The following NEK5 variants were observed in gnomAD, a reference collection of about 807,000 sequenced individuals.
NEK5 encodes NIMA related kinase 5, also known as serine/threonine-protein kinase Nek5.
A neutral mutation model predicts 109.2 loss-of-function variants in NEK5; 88 were observed. The ratio of observed to expected loss-of-function variants is 0.81; its 90% CI spans 0.68 to 0.96. The LOEUF (loss-of-function observed/expected upper bound fraction) is 0.96, where lower values mean the gene tolerates loss of function less well. Among genes scored for constraint, NEK5 ranks in the 40% least tolerant of loss-of-function variants. NEK5 has a pLI of 0.00. For missense variants in NEK5, 834 were observed against 920.7 expected (o/e 0.91, Z 1.22); for synonymous variants, 283 against 299.9 (o/e 0.94, Z 0.58).
Position 52,080,882 on chromosome 13 carries a change from G to T in NEK5, c.1572+2378C>A, listed in dbSNP as rs528448957. ...CCCTCTGCGAGAAACACCCAAGAAT[G>T]ATCAATTAAAAAAAAAAAAAAAAAT... On this transcript the variant is annotated intron_variant, in intron 17 of 23. Transcript: ENST00000684899. Among the ~76,000 whole-genome samples, 86 of 105,754 alleles carry T rather than the reference G, an allele frequency of 8.1e-4. No homozygotes were observed. In the East Asian group the frequency reaches 0.021, roughly 26 times the overall value. 69.4% of individuals were successfully genotyped at this position (105,754 alleles called of 152,430 possible). A position where few individuals can be genotyped will look rare whatever the true frequency, so the allele number is the denominator to read the frequency against.
chr13:52,046,166 AATAAAT>A (rs1207057820), intron 23 of NEK5, among the ~76,000 whole-genome samples: 1 of 151,776 alleles, frequency 6.6e-6, no homozygotes, highest in African/African-American at 2.4e-5. Context: ...AAAATTAAAT[AATAAAT>A]ATATTTTTAA....
At chr13:52,102,427 C>T (rs1323903976) in intron 9 of NEK5, 135 bp from the exon 10 acceptor site, 2 of 711,074 alleles carry the variant, frequency 2.8e-6, no homozygotes, top group Non-Finnish European at 4.7e-6. Flanking sequence ...ACTAGGGTCA[C>T]CTGTAATCCC....
At position 52,118,640 on chromosome 13, in the gene NEK5, G is replaced by A. The variant is rs1955906589; in HGVS notation, c.214+679C>T. On this transcript the variant is annotated intron_variant, in intron 4 of 23. Coordinates refer to ENST00000684899, the MANE Select transcript of NEK5 (RefSeq NM_001365552.1). Reference sequence around the variant, plus strand: ...GGGACTTCCTTCCCTAAAGTTGTCAGCAGAATTGTATTCAGGTGTACAGAG... The same window carrying A: ...GGGACTTCCTTCCCTAAAGTTGTCAACAGAATTGTATTCAGGTGTACAGAG... Among the ~76,000 whole-genome samples the A allele has an allele frequency of 2.6e-5, 4 of 152,122 alleles. No individual in the cohort carries two copies. In the South Asian group the frequency reaches 8.3e-4, roughly 32 times the overall value.
intron 1 of NEK5, 93 bp from the exon 2 acceptor site, chr13:52,127,755 G>A: frequency 3.0e-6 from 1 of 331,658 alleles, no homozygotes; most frequent in South Asian, 7.6e-5. Flanking sequence ...CACTTAACCT[G>A]GCAAAACCTC....
rs568054943 is a variant in NEK5, at chr13:52,088,975, C to T, written c.1275+272G>A. On this transcript the variant is annotated intron_variant, in intron 14 of 23. Coordinates refer to ENST00000684899, the MANE Select transcript of NEK5 (RefSeq NM_001365552.1). Reference sequence around the variant, plus strand: ...GCGTGGTGGTGGGCGCCTGTAATCCCAGCTACTCAGGAGGCTGGGGAAGGA... The same window carrying T: ...GCGTGGTGGTGGGCGCCTGTAATCCTAGCTACTCAGGAGGCTGGGGAAGGA... 3.3e-5 allele frequency among the ~76,000 whole-genome samples: 5 copies of T among 152,034 alleles called. No homozygotes were observed. The South Asian group carries it at 8.3e-4, about 25-fold the overall frequency.
At chr13:52,041,848 A>C (rs1954417753) in intron 23 of NEK5, among the ~76,000 whole-genome samples, 1 of 151,972 alleles carries the variant, frequency 6.6e-6, no homozygotes, top group South Asian at 2.1e-4. Context: ...TATATCTAAT[A>C]TCTAATTGGA....
chr13:52,050,094 A>G lies in NEK5; in HGVS notation c.2228+10T>C, dbSNP rs552215552. 1 of 954,532 alleles carries G rather than the reference A, an allele frequency of 1.0e-6. No homozygotes were observed. The highest frequency in any genetic ancestry group is 4.8e-5 in the South Asian group (1 of 20,650). 59.1% of individuals were successfully genotyped at this position (954,532 alleles called of 1,614,324 possible). ...TGCTCGACTTAGGTATCGGCAAATG[A>G]TCTACTTACGTATCATCATCATCAG... On this transcript the variant is annotated intron_variant, in intron 23 of 23. Transcript: ENST00000684899.
chr13:52,119,347 G>T lies in NEK5; in HGVS notation c.186C>A (p.Asn62Lys). ...VILLEKMKHP[N>K]IVAFFNSFQE... ...GAAATGAATTGAAGAAGGCTACAAT[G>T]TTGGGATGTTTCATCTTTTCCAGAA... Residue 62 changes from asparagine (N) to lysine (K), a missense_variant, in exon 4 of 24, where the codon AAC becomes AAA. By Grantham distance (94) the Asn-to-Lys change is moderately conservative. This residue lies in a region of NEK5 where 777 missense variants were observed against 824.7 expected (regional missense o/e 0.94). Transcript: ENST00000684899. The T allele has an allele frequency of 6.2e-7, 1 of 1,600,446 alleles. No individual in the cohort carries two copies. The highest frequency in any genetic ancestry group is 8.5e-7 in the Non-Finnish European group (1 of 1,169,954).
chr13:52,071,533 C>T (rs1256116140), intron 20 of NEK5, among the ~76,000 whole-genome samples: 2 of 152,190 alleles, frequency 1.3e-5, no homozygotes, highest in Non-Finnish European at 2.9e-5. Context: ...TCTTTTACTG[C>T]CCACAACACT....
At chr13:52,050,720 C>CT (rs772811272) in intron 22 of NEK5, among the ~76,000 whole-genome samples, 4,971 of 99,870 alleles carry the variant, frequency 0.05, 126 homozygotes, top group South Asian at 0.11. Context: ...TTGTTTTTTT[C>CT]TTTTTTTTTT....
intron 17 of NEK5, among the ~76,000 whole-genome samples, chr13:52,080,301 C>A (rs1311562872): frequency 6.7e-6 from 1 of 148,998 alleles, no homozygotes; most frequent in African/African-American, 2.5e-5. Context: ...CCAGCCGCCT[C>A]GTCCGGGAGG....
At chr13:52,100,013 CAGTG>C (rs1324687945) in intron 11 of NEK5, 137 bp from the exon 12 acceptor site, 19 of 628,188 alleles carry the variant, frequency 3.0e-5, no homozygotes, top group Non-Finnish European at 4.9e-5. Context: ...ATTTTACACA[CAGTG>C]AGAGTACTGA....
intron 22 of NEK5, among the ~76,000 whole-genome samples, chr13:52,057,730 G>A (rs970209369): frequency 3.3e-5 from 5 of 152,006 alleles, no homozygotes; most frequent in Non-Finnish European, 7.4e-5. Context: ...ATGCAGAAAA[G>A]GCCTTTGACA....
intron 23 of NEK5, among the ~76,000 whole-genome samples, chr13:52,044,119 G>C (rs1310262145): frequency 6.6e-6 from 1 of 152,192 alleles, no homozygotes; most frequent in Non-Finnish European, 1.5e-5. Context: ...GCCTAGCTTC[G>C]CAGCCTACAG....
At chr13:52,064,482 C>A (rs1411906895) in intron 21 of NEK5, among the ~76,000 whole-genome samples, 1 of 145,370 alleles carries the variant, frequency 6.9e-6, no homozygotes, top group Admixed American at 6.8e-5. Context: ...CCAGCCGCCC[C>A]GTCTGGGAGG....
chr13:52,093,936 A>ACATATGG (rs1955350601), intron 12 of NEK5, among the ~76,000 whole-genome samples: 1 of 152,246 alleles, frequency 6.6e-6, no homozygotes, highest in Non-Finnish European at 1.5e-5. Context: ...TGAAACTCAC[A>ACATATGG]CATATGGGGA....
At chr13:52,050,282 T>TA (rs2140909559) in intron 22 of NEK5, 61 bp from the exon 23 acceptor site, 1 of 489,808 alleles carries the variant, frequency 2.0e-6, no homozygotes, top group African/African-American at 2.1e-5. Flanking sequence ...ATGAGGGGCA[T>TA]ATACCAAAAA....
At chr13:52,089,416 A>G (rs935790230) in intron 13 of NEK5, 103 bp from the exon 14 acceptor site, 1 of 672,422 alleles carries the variant, frequency 1.5e-6, no homozygotes, top group Non-Finnish European at 2.6e-6. Context: ...ACAATTCACC[A>G]GTGGCTTGAA....
intron 23 of NEK5, 30 bp downstream of exon 23, chr13:52,050,074 G>A (rs1048381212): frequency 8.3e-6 from 7 of 839,230 alleles, no homozygotes; most frequent in African/African-American, 5.5e-5. Context: ...ACCAGTGCTC[G>A]ACTTAGGTAT....
Sources: gnomAD v4.1 joint callset for allele counts (sites outside exome capture counted in the v4.1 genomes callset) on GRCh38, gnomAD v4.1.1 for gene constraint, gnomAD v4.1.1 regional missense constraint, MANE v1.5 for transcripts, NCBI Gene and HGNC (gene_info 2026-07-23, HGNC 2026-07-21) for gene names.